C10orf143: variants seen among roughly 807,000 people sequenced by gnomAD.
The protein encoded by C10orf143 is chromosome 10 open reading frame 143.
Position 130,108,171 on chromosome 10 carries a change from C to T in C10orf143, c.69+2533G>A, listed in dbSNP as rs774720721. Reference sequence around the variant, plus strand: ...CTGTTTCCAGTGGATACAAGGGGCCCGTTCATGAGAAGAGCACCTCCTTTC... The same window carrying T: ...CTGTTTCCAGTGGATACAAGGGGCCTGTTCATGAGAAGAGCACCTCCTTTC... On this transcript the variant is annotated intron_variant, in intron 1 of 3. Coordinates refer to ENST00000637128, the MANE Select transcript of C10orf143 (RefSeq NM_001355042.2). 44 of 1,577,056 alleles carry T rather than the reference C, an allele frequency of 2.8e-5. No individual in the cohort carries two copies. The East Asian group carries it at 3.8e-4, about 14-fold the overall frequency.
intron 1 of C10orf143, among the ~76,000 whole-genome samples, chr10:130,083,882 G>C (rs1469951052): frequency 6.6e-6 from 1 of 152,080 alleles, no homozygotes; most frequent in Non-Finnish European, 1.5e-5. Flanking sequence ...ATGCCAAAAA[G>C]TGAGGGAAAA....
chr10:130,054,794 A>G (rs1860777291), intron 3 of C10orf143, among the ~76,000 whole-genome samples: 1 of 152,210 alleles, frequency 6.6e-6, no homozygotes, highest in African/African-American at 2.4e-5. Flanking sequence ...TAAAGGCATC[A>G]CACTTTCTAA....
chr10:130,047,886 T>C (rs536328000), intron 3 of C10orf143, among the ~76,000 whole-genome samples: 8 of 152,170 alleles, frequency 5.3e-5, no homozygotes, highest in Admixed American at 3.3e-4. Context: ...GTAAGGTGGC[T>C]TCCCCTAAAG....
chr10:130,072,799 AAC>A (rs1367211910), intron 3 of C10orf143, among the ~76,000 whole-genome samples: 1 of 152,252 alleles, frequency 6.6e-6, no homozygotes, highest in Non-Finnish European at 1.5e-5. Context: ...AGTGTGCAAC[AAC>A]ATTCTGCCTA....
At chr10:130,072,199 C>T (rs569016696) in intron 3 of C10orf143, among the ~76,000 whole-genome samples, 9 of 152,306 alleles carry the variant, frequency 5.9e-5, no homozygotes, top group African/African-American at 2.2e-4. Context: ...CCAATTAACA[C>T]ATTGTCTTAA....
chr10:130,042,151 T>C (rs144003156), intron 3 of C10orf143, among the ~76,000 whole-genome samples: 2 of 152,340 alleles, frequency 1.3e-5, no homozygotes, highest in African/African-American at 4.8e-5. Context: ...CAGAGCTCTG[T>C]GGGCTTCATG....
chr10:130,080,887 G>A (rs2134770130), intron 1 of C10orf143, among the ~76,000 whole-genome samples: 1 of 152,324 alleles, frequency 6.6e-6, no homozygotes, highest in East Asian at 1.9e-4. Context: ...GAAGAGAGGA[G>A]AATTCTCATT....
At chr10:130,060,163 A>G (rs572083535), downstream of C10orf143, among the ~76,000 whole-genome samples, 7 of 152,128 alleles carry the variant, frequency 4.6e-5, no homozygotes, top group Admixed American at 3.9e-4. Context: ...TTGTGGGTGC[A>G]AAGTGCTCCA....
At chr10:130,035,460 G>A (rs1860534631) in intron 4 of C10orf143, among the ~76,000 whole-genome samples, 1 of 152,200 alleles carries the variant, frequency 6.6e-6, no homozygotes, top group South Asian at 2.1e-4. Flanking sequence ...ACTCAATTCA[G>A]CCATAACACT....
intron 1 of C10orf143, among the ~76,000 whole-genome samples, chr10:130,095,735 G>A (rs1235407191): frequency 6.6e-6 from 1 of 151,150 alleles, no homozygotes; most frequent in African/African-American, 2.4e-5. Context: ...GACTGGCTAA[G>A]CCATATGCAG....
chr10:130,077,847 G>A (rs1351666690), intron 3 of C10orf143, among the ~76,000 whole-genome samples: 1 of 152,178 alleles, frequency 6.6e-6, no homozygotes, highest in African/African-American at 2.4e-5. Context: ...ATATCAAGAG[G>A]TGTGACTTTT....
intron 3 of C10orf143, chr10:130,068,579 C>T (rs2134750504): frequency 7.7e-6 from 1 of 130,194 alleles, no homozygotes; most frequent in Middle Eastern, 4.9e-3. Flanking sequence ...CCATTGCACT[C>T]CAGCGTGGGC....
chr10:130,071,634 AT>A (rs5789010), intron 3 of C10orf143, among the ~76,000 whole-genome samples: 18,803 of 151,966 alleles, frequency 0.12, 2,694 homozygotes, highest in African/African-American at 0.34. Flanking sequence ...TATATTCTAT[AT>A]TTTTTTTTTG....
chr10:130,039,778 A>C (rs1860585753), intron 3 of C10orf143, among the ~76,000 whole-genome samples: 1 of 152,044 alleles, frequency 6.6e-6, no homozygotes, highest in African/African-American at 2.4e-5. Flanking sequence ...CCGACGTCTC[A>C]TGCGCTCTTC....
At chr10:130,084,390 C>T (rs998154696) in intron 1 of C10orf143, among the ~76,000 whole-genome samples, 1 of 152,150 alleles carries the variant, frequency 6.6e-6, no homozygotes, top group African/African-American at 2.4e-5. Context: ...TATAGAAATC[C>T]TGTACTCTAG....
At chr10:130,106,781 T>C (rs540710970) in intron 1 of C10orf143, 82 of 1,224,574 alleles carry the variant, frequency 6.7e-5, no homozygotes, top group Admixed American at 1.5e-4. Flanking sequence ...GAAAATAACA[T>C]TTGAAGACTC....
intron 3 of C10orf143, among the ~76,000 whole-genome samples, chr10:130,076,716 C>T (rs774440052): frequency 6.6e-6 from 1 of 152,126 alleles, no homozygotes; most frequent in Non-Finnish European, 1.5e-5. Flanking sequence ...CATTTAATTG[C>T]TCTGAATTTG....
intron 1 of C10orf143, among the ~76,000 whole-genome samples, chr10:130,102,360 AACCTCTGCCTCCAGTGGTTCTCCC>A (rs1335213000): frequency 6.6e-6 from 1 of 152,110 alleles, no homozygotes; most frequent in East Asian, 1.9e-4. Flanking sequence ...AGCTCACAGC[AACCTCTGCCTCCAGTGGTTCTCCC>A]ACCTCAGCCT....
intron 1 of C10orf143, among the ~76,000 whole-genome samples, chr10:130,105,176 C>T (rs1861620238): frequency 6.6e-6 from 1 of 152,134 alleles, no homozygotes; most frequent in Non-Finnish European, 1.5e-5. Context: ...GATCAGCCTG[C>T]CTTGGCCTCC....
Sources: allele counts gnomAD v4.1 joint callset (sites outside exome capture counted in the v4.1 genomes callset), GRCh38; gene constraint gnomAD v4.1.1; transcripts MANE v1.5; gene names NCBI Gene and HGNC (gene_info 2026-07-23, HGNC 2026-07-21).